PRKCZ: variants seen among roughly 807,000 people sequenced by gnomAD.
PRKCZ encodes the protein protein kinase C zeta.
In PRKCZ, 33 loss-of-function variants were observed where a neutral mutation model predicts 79.5. That is an observed-to-expected ratio of 0.41 (90% CI 0.31 to 0.55). The LOEUF is 0.55. Among genes scored for constraint, PRKCZ ranks in the 20% least tolerant of loss-of-function variants. The pLI, the probability that PRKCZ is intolerant of heterozygous loss-of-function variation, is 0.19. For missense variants in PRKCZ, 578 were observed against 813.5 expected, an observed-to-expected ratio of 0.71 and a Z score of 3.52; for synonymous variants, 342 against 320.9, an observed-to-expected ratio of 1.07 and a Z score of -0.70.
intron 4 of PRKCZ, among the ~76,000 whole-genome samples, chr1:2,124,784 G>A (rs1022481443): frequency 3.9e-5 from 6 of 152,020 alleles, no homozygotes; most frequent in East Asian, 1.9e-4. Flanking sequence ...GTCAGCAGAC[G>A]CCGTGCATGT....
At chr1:2,110,695 G>A (rs1571459349) in intron 4 of PRKCZ, among the ~76,000 whole-genome samples, 1 of 152,148 alleles carries the variant, frequency 6.6e-6, no homozygotes, top group East Asian at 1.9e-4. Flanking sequence ...TGGTGACTGT[G>A]GGCCTCTGCC....
intron 4 of PRKCZ, among the ~76,000 whole-genome samples, chr1:2,118,364 G>A (rs1342856324): frequency 7.1e-6 from 1 of 141,000 alleles, no homozygotes; most frequent in Non-Finnish European, 1.5e-5. Flanking sequence ...TTGAGACAGA[G>A]TGTCGCTCTG....
Position 2,102,322 on chromosome 1 carries a change from T to TTG in PRKCZ, c.335-32939_335-32938insGT, listed in dbSNP as rs1553146470. Reference sequence around the variant, plus strand: ...TACACGTTTTTTATTGCGTTTTTTTTTTTGTTTGTTTTGTTTTGTTTTGTT... The same window carrying TTG: ...TACACGTTTTTTATTGCGTTTTTTTTTGTTTGTTTGTTTTGTTTTGTTTTGTT... On this transcript the variant is annotated intron_variant, in intron 4 of 17. Coordinates refer to ENST00000378567, the MANE Select transcript of PRKCZ (RefSeq NM_002744.6). Among the ~76,000 whole-genome samples, 17 of 151,544 alleles carry TTG rather than the reference T, an allele frequency of 1.1e-4. 1 individual carries two copies. The South Asian group carries it at 1.7e-3, about 15-fold the overall frequency.
chr1:2,096,869 G>A (rs920113856), intron 4 of PRKCZ, among the ~76,000 whole-genome samples: 1 of 152,210 alleles, frequency 6.6e-6, no homozygotes, highest in African/African-American at 2.4e-5. Flanking sequence ...GCACCCTGGG[G>A]AGGACTCAGG....
chr1:2,167,233 T>G (rs1238057157), intron 10 of PRKCZ, among the ~76,000 whole-genome samples: 1 of 152,260 alleles, frequency 6.6e-6, no homozygotes, highest in Admixed American at 6.5e-5. Flanking sequence ...TTCCCGTGAT[T>G]GGCTTTTCTC....
At chr1:2,115,824 G>A (rs1670646610) in intron 4 of PRKCZ, among the ~76,000 whole-genome samples, 1 of 152,156 alleles carries the variant, frequency 6.6e-6, no homozygotes, top group South Asian at 2.1e-4. Flanking sequence ...CTCCAGGCAC[G>A]CCACCCTCCA....
Position 2,123,609 on chromosome 1 carries a change from T to C in PRKCZ, c.335-11653T>C, listed in dbSNP as rs868162107. On this transcript the variant is annotated intron_variant, in intron 4 of 17. Transcript: ENST00000378567. Reference sequence around the variant, plus strand: ...GTCACGGTGGTAGTTAGGGTCACGGTGGTGGTTAGGGTCACGGCGGTGGTT... The same window carrying C: ...GTCACGGTGGTAGTTAGGGTCACGGCGGTGGTTAGGGTCACGGCGGTGGTT... Among the ~76,000 whole-genome samples, 24 of 36,262 alleles carry C rather than the reference T, an allele frequency of 6.6e-4. 8 individuals are homozygous for C. The highest frequency in any genetic ancestry group is 2.0e-3 in the African/African-American group (16 of 8,130). The allele number at this position is 36,262 out of a possible 152,430, so 23.8% of individuals were successfully genotyped here. A position where few individuals can be genotyped will look rare whatever the true frequency, so the allele number is the denominator to read the frequency against.
Position 2,144,194 on chromosome 1 carries a change from C to G in PRKCZ, c.421-16C>G. ...CTCAGTGTGGCCTGGGCCTGACGCT[C>G]TGTTCCCACCTGCAGAGAGCGTACT... On this transcript the variant is annotated splice_polypyrimidine_tract_variant and intron_variant, in intron 5 of 17. Transcript: ENST00000378567. The G allele has an allele frequency of 1.3e-6, 2 of 1,550,936 alleles. No individual in the cohort carries two copies. Among genetic ancestry groups the G allele is most frequent in the Non-Finnish European group, 1.7e-6 (2 of 1,146,472 alleles).
chr1:2,060,969 G>C (rs1388395375), intron 4 of PRKCZ, among the ~76,000 whole-genome samples: 1 of 152,200 alleles, frequency 6.6e-6, no homozygotes, highest in Non-Finnish European at 1.5e-5. Context: ...GGAGGGCACG[G>C]TTCACTGCGT....
rs1272388280 is a variant in PRKCZ, at chr1:2,174,827, A to G, written c.1479A>G (p.Leu493=). ...CCTCCCATGTTTTAAAAGGATTTTTAAATAAGGTACGTTTCTGGCCATGCT... is the reference window on the plus strand; with the variant it reads ...CCTCCCATGTTTTAAAAGGATTTTTGAATAAGGTACGTTTCTGGCCATGCT... ...VKASHVLKGF[L]NKDPKERLGC... Residue 493 remains leucine, a synonymous_variant, in exon 15 of 18, where the codon TTA becomes TTG. Transcript: ENST00000378567. This position sits in a 1 kb window ranked among gnomAD's most constrained non-coding sequence, Gnocchi z 6.2. 5 of 1,613,624 alleles carry G rather than the reference A, an allele frequency of 3.1e-6. No homozygotes were observed. In the Admixed American group the frequency reaches 6.7e-5, roughly 22 times the overall value.
rs1571172088 is a variant in PRKCZ at position 2,074,064 on chromosome 1, G to A, written c.334+14473G>A. On this transcript the variant is annotated intron_variant, in intron 4 of 17. Coordinates refer to ENST00000378567, the MANE Select transcript of PRKCZ (RefSeq NM_002744.6). ...CTGAGTCCCGGCGTTGCCGCTGCCT[G>A]TGCGCTGCACAGATGCTCCGGGCAG... 6 of 1,462,096 alleles carry A rather than the reference G, an allele frequency of 4.1e-6. No individual in the cohort carries two copies. The East Asian group carries it at 1.2e-4, about 30-fold the overall frequency. The allele number at this position is 1,462,096 out of a possible 1,614,324, so 90.6% of individuals were successfully genotyped here.
rs1173808309 is a variant in PRKCZ, at chr1:2,174,584, G to A, written c.1406-170G>A. ...AGCGCATGTAACCAGGAGGCCCAGG[G>A]AGGACCCGGCGGGACTCCGGGTTAT... On this transcript the variant is annotated intron_variant, in intron 14 of 17. Transcript: ENST00000378567. This position sits in a 1 kb window ranked among gnomAD's most constrained non-coding sequence, Gnocchi z 6.2. 6.6e-6 allele frequency among the ~76,000 whole-genome samples: 1 copy of A among 152,260 alleles called. No individual in the cohort carries two copies. Among genetic ancestry groups the A allele is most frequent in the Non-Finnish European group, 1.5e-5 (1 of 68,042 alleles).
chr1:2,062,880 C>A (rs1182729759), intron 4 of PRKCZ, among the ~76,000 whole-genome samples: 1 of 152,162 alleles, frequency 6.6e-6, no homozygotes, highest in Non-Finnish European at 1.5e-5. Context: ...CTCCAGAACT[C>A]TCTTCATCTT....
At chr1:2,112,616 A>G (rs74046926) in intron 4 of PRKCZ, among the ~76,000 whole-genome samples, 1 of 152,026 alleles carries the variant, frequency 6.6e-6, no homozygotes, top group South Asian at 2.1e-4. Flanking sequence ...GTACTCAAAA[A>G]AGGAAGAAGA....
At chr1:2,124,617 A>G (rs1429908818) in intron 4 of PRKCZ, among the ~76,000 whole-genome samples, 1 of 152,086 alleles carries the variant, frequency 6.6e-6, no homozygotes, top group South Asian at 2.1e-4. Flanking sequence ...GAGAAAGTCA[A>G]TGCCTGTCAC....
chr1:2,115,308 CT>C (rs1202968405), intron 4 of PRKCZ, among the ~76,000 whole-genome samples: 1 of 152,278 alleles, frequency 6.6e-6, no homozygotes, highest in Non-Finnish European at 1.5e-5. Flanking sequence ...GGGGTCCCGG[CT>C]TTTGGCCACA....
At chr1:2,112,912 G>A (rs1571481768) in intron 4 of PRKCZ, among the ~76,000 whole-genome samples, 1 of 152,138 alleles carries the variant, frequency 6.6e-6, no homozygotes, top group African/African-American at 2.4e-5. Context: ...GGCTGGTCTC[G>A]AACTCCTGAC....
At chr1:2,124,958 G>C (rs1265350968) in intron 4 of PRKCZ, among the ~76,000 whole-genome samples, 1 of 152,210 alleles carries the variant, frequency 6.6e-6, no homozygotes, top group East Asian at 1.9e-4. Context: ...CACATCCTCA[G>C]CGCTGTGTCC....
At chr1:2,169,090 CT>C (rs1233440940) in intron 10 of PRKCZ, 1 of 454,574 alleles carries the variant, frequency 2.2e-6, no homozygotes, top group Non-Finnish European at 4.4e-6. Context: ...GAAATCAGGC[CT>C]TGAGGCCACC....
Sources: allele counts gnomAD v4.1 joint callset (sites outside exome capture counted in the v4.1 genomes callset), GRCh38; gene constraint gnomAD v4.1.1; non-coding constraint Gnocchi (gnomAD v3.1); transcripts MANE v1.5; gene names NCBI Gene and HGNC (gene_info 2026-07-23, HGNC 2026-07-21).